Variants in RYR2 observed in about 807,000 individuals in gnomAD.
The protein encoded by RYR2 is ryanodine receptor 2, also known as cardiac muscle ryanodine receptor-calcium release channel.
A neutral mutation model predicts 601.1 loss-of-function variants in RYR2; 227 were observed. The observed-to-expected ratio is 0.38, with a 90% CI of 0.34 to 0.42. RYR2 has a LOEUF of 0.42. RYR2 is among the 10% of genes least tolerant of loss of function. RYR2 has a pLI of 1.00. For synonymous variants in RYR2, 2,223 were observed against 2,175.1 expected, an observed-to-expected ratio of 1.02 and a Z score of -0.61; for missense variants, 4,646 against 6,156.5, an observed-to-expected ratio of 0.75 and a Z score of 8.21.
At chr1:237,796,773 C>T (rs1296878271) in intron 96 of RYR2, among the ~76,000 whole-genome samples, 1 of 151,504 alleles carries the variant, frequency 6.6e-6, no homozygotes, top group African/African-American at 2.4e-5. Flanking sequence ...ATTGCTTTTC[C>T]TGTTCCCTCC....
chr1:237,225,369 G>C (rs1684249202), intron 1 of RYR2, among the ~76,000 whole-genome samples: 1 of 152,124 alleles, frequency 6.6e-6, no homozygotes, highest in Non-Finnish European at 1.5e-5. Context: ...AGGTTTAATG[G>C]ACTCAAATTC....
intron 1 of RYR2, among the ~76,000 whole-genome samples, chr1:237,099,352 C>A (rs965797607): frequency 2.0e-5 from 3 of 152,112 alleles, no homozygotes; most frequent in African/African-American, 7.2e-5. Flanking sequence ...ATCCTCTTAC[C>A]TCAGCCTCCC....
intron 1 of RYR2, among the ~76,000 whole-genome samples, chr1:237,236,468 T>C (rs978205943): frequency 3.3e-5 from 5 of 152,204 alleles, no homozygotes; most frequent in African/African-American, 1.2e-4. Flanking sequence ...AGGATGAATA[T>C]TGACATAGTA....
intron 2 of RYR2, among the ~76,000 whole-genome samples, chr1:237,289,158 T>G (rs1572487741): frequency 6.6e-6 from 1 of 152,074 alleles, no homozygotes; most frequent in South Asian, 2.1e-4. Flanking sequence ...TTTAGGGGGG[T>G]CTCCCGGGTC....
At chr1:237,516,473 C>A (rs1666559808) in intron 24 of RYR2, among the ~76,000 whole-genome samples, 1 of 152,144 alleles carries the variant, frequency 6.6e-6, no homozygotes, top group African/African-American at 2.4e-5. Context: ...TGGGCCATTT[C>A]TTCTCAGTGT....
chr1:237,402,751 C>CA (rs66566720), intron 10 of RYR2, among the ~76,000 whole-genome samples: 4 of 151,168 alleles, frequency 2.6e-5, no homozygotes, highest in South Asian at 4.2e-4. Context: ...TTCATCCCTA[C>CA]AAAAAAATTG....
intron 2 of RYR2, among the ~76,000 whole-genome samples, chr1:237,284,431 G>A (rs1297212669): frequency 3.5e-5 from 4 of 115,028 alleles, no homozygotes; most frequent in Non-Finnish European, 5.2e-5. Flanking sequence ...TGCAAATGCT[G>A]TTAATTCATT....
chr1:237,633,713 A>G lies in RYR2; in HGVS notation c.6688+3A>G. ...GGAAAACAGCAGTGTTGGTCTTGGT[A>G]AGTAAATGACTTTTATTTCATCTTT... On this transcript the variant is annotated splice_donor_region_variant and intron_variant, in intron 43 of 104. Transcript: ENST00000366574. 3 of 1,607,726 alleles carry G rather than the reference A, an allele frequency of 1.9e-6. No homozygotes were observed. Among genetic ancestry groups the G allele is most frequent in the Non-Finnish European group, 1.7e-6 (2 of 1,176,436 alleles).
chr1:237,563,609 A>C (rs2805477), intron 27 of RYR2, among the ~76,000 whole-genome samples: 79,722 of 151,732 alleles, frequency 0.53, 23,001 homozygotes, highest in Admixed American at 0.66. Flanking sequence ...TAGGACTCAG[A>C]AACTCTGCAT....
intron 73 of RYR2, among the ~76,000 whole-genome samples, chr1:237,722,504 G>A (rs926480355): frequency 6.6e-6 from 1 of 151,312 alleles, no homozygotes; most frequent in African/African-American, 2.4e-5. Context: ...CGCGATCTCG[G>A]CTCACTGCAA....
At chr1:237,557,360 G>A (rs1051193398) in intron 27 of RYR2, among the ~76,000 whole-genome samples, 23 of 152,158 alleles carry the variant, frequency 1.5e-4, no homozygotes, top group African/African-American at 5.1e-4. Context: ...AGTATTTGTG[G>A]ACATATTTTA....
chr1:237,546,993 ATATTTATTTATT>A (rs71180099), intron 25 of RYR2, among the ~76,000 whole-genome samples: 16 of 127,366 alleles, frequency 1.3e-4, no homozygotes, highest in East Asian at 9.4e-4. Context: ...ATATATATAT[ATATTTATTTATT>A]TATTTATTTA....
At chr1:237,308,083 C>T (rs116101986) in intron 2 of RYR2, among the ~76,000 whole-genome samples, 1,793 of 151,938 alleles carry the variant, frequency 0.012, 18 homozygotes, top group South Asian at 0.023. Flanking sequence ...TCAGGCATTC[C>T]TACCCTCTAG....
At chr1:237,655,467 A>G (rs1683155253) in intron 52 of RYR2, among the ~76,000 whole-genome samples, 1 of 152,184 alleles carries the variant, frequency 6.6e-6, no homozygotes, top group South Asian at 2.1e-4. Context: ...ATGTACAGGA[A>G]TTATCTATAA....
intron 10 of RYR2, among the ~76,000 whole-genome samples, chr1:237,400,306 C>G (rs1344954914): frequency 6.6e-6 from 1 of 152,180 alleles, no homozygotes; most frequent in African/African-American, 2.4e-5. Flanking sequence ...ATACCAAGCA[C>G]TCAGCTCCCG....
intron 1 of RYR2, among the ~76,000 whole-genome samples, chr1:237,050,634 T>A (rs1661142616): frequency 6.6e-6 from 1 of 152,228 alleles, no homozygotes; most frequent in African/African-American, 2.4e-5. Context: ...ATCTGATTCA[T>A]AATGTACATG....
intron 84 of RYR2, among the ~76,000 whole-genome samples, chr1:237,768,449 A>G (rs1237498428): frequency 6.6e-6 from 1 of 152,182 alleles, no homozygotes; most frequent in Non-Finnish European, 1.5e-5. Context: ...ACAATATTGA[A>G]ATACCTCTCC....
intron 1 of RYR2, among the ~76,000 whole-genome samples, chr1:237,255,872 T>TGA (rs1398653267): frequency 1.3e-5 from 2 of 151,348 alleles, no homozygotes; most frequent in African/African-American, 2.4e-5. Flanking sequence ...TGTGTGTGTG[T>TGA]GAGTTTAGCT....
chr1:237,399,206 A>G (rs1370416244), intron 10 of RYR2, among the ~76,000 whole-genome samples: 1 of 152,198 alleles, frequency 6.6e-6, no homozygotes, highest in Non-Finnish European at 1.5e-5. Context: ...AAAAAAACAT[A>G]AAAAATAAAA....
Sources: allele counts gnomAD v4.1 joint callset (sites outside exome capture counted in the v4.1 genomes callset), GRCh38; gene constraint gnomAD v4.1.1; transcripts MANE v1.5; gene names NCBI Gene and HGNC (gene_info 2026-07-23, HGNC 2026-07-21).